MCC: variants seen among roughly 807,000 people sequenced by gnomAD.
MCC encodes the protein colorectal mutant cancer protein.
A neutral mutation model predicts 116.2 loss-of-function variants in MCC; 90 were observed. That is an observed-to-expected ratio of 0.77 (90% CI 0.65 to 0.92). The LOEUF is 0.92. MCC is among the 40% of genes least tolerant of loss of function. The pLI, the probability that MCC is intolerant of heterozygous loss-of-function variation, is 0.00. For synonymous variants in MCC, 578 were observed against 510.5 expected (o/e 1.13, Z -1.78); for missense variants, 1,516 against 1,312.2 (o/e 1.16, Z -2.40).
chr5:113,046,010 G>A (rs1580914960), intron 16 of MCC, among the ~76,000 whole-genome samples: 1 of 151,830 alleles, frequency 6.6e-6, no homozygotes, highest in South Asian at 2.1e-4. Flanking sequence ...GCCTCATCCA[G>A]CAACAGCTAA....
At chr5:113,296,131 C>T (rs11741333) in intron 3 of MCC, among the ~76,000 whole-genome samples, 52,881 of 151,942 alleles carry the variant, frequency 0.35, 11,026 homozygotes, top group African/African-American at 0.57. Context: ...GGTCCCAAGT[C>T]CTTGGGCACT....
At chr5:113,322,648 A>C (rs1767447076) in intron 3 of MCC, among the ~76,000 whole-genome samples, 1 of 152,226 alleles carries the variant, frequency 6.6e-6, no homozygotes, top group African/African-American at 2.4e-5. Flanking sequence ...CCTGTTTTAA[A>C]GAATCAGCTA....
intron 2 of MCC, among the ~76,000 whole-genome samples, chr5:113,353,646 C>G (rs1269653203): frequency 6.6e-6 from 1 of 152,120 alleles, no homozygotes; most frequent in Non-Finnish European, 1.5e-5. Flanking sequence ...TCAATCTGGT[C>G]TAGAGGGTCA....
intron 3 of MCC, among the ~76,000 whole-genome samples, chr5:113,187,337 G>C (rs1761942424): frequency 1.3e-5 from 2 of 152,028 alleles, no homozygotes; most frequent in South Asian, 4.2e-4. Flanking sequence ...TTGAATTCTT[G>C]GCCTCAAGCA....
chr5:113,246,774 C>T (rs1764592771), intron 3 of MCC, among the ~76,000 whole-genome samples: 1 of 152,204 alleles, frequency 6.6e-6, no homozygotes, highest in Non-Finnish European at 1.5e-5. Flanking sequence ...GTAAAGCACT[C>T]TACTCTCCTT....
chr5:113,255,856 G>A (rs1246468676), intron 3 of MCC, among the ~76,000 whole-genome samples: 2 of 152,180 alleles, frequency 1.3e-5, no homozygotes, highest in African/African-American at 2.4e-5. Flanking sequence ...TGCTTGGAGT[G>A]TAGGACTACG....
intron 3 of MCC, among the ~76,000 whole-genome samples, chr5:113,245,202 G>A (rs1259004386): frequency 1.3e-5 from 2 of 150,118 alleles, no homozygotes; most frequent in Non-Finnish European, 2.9e-5. Flanking sequence ...CGAGGCAGGA[G>A]AACGGCTTGA....
At chr5:113,321,496 T>C (rs979215937) in intron 3 of MCC, among the ~76,000 whole-genome samples, 1 of 152,188 alleles carries the variant, frequency 6.6e-6, no homozygotes, top group African/African-American at 2.4e-5. Context: ...ACCAGGCAAG[T>C]GCGGAGCCCA....
chr5:113,158,662 T>C (rs1322012027), intron 3 of MCC, among the ~76,000 whole-genome samples: 1 of 152,218 alleles, frequency 6.6e-6, no homozygotes, highest in African/African-American at 2.4e-5. Flanking sequence ...TGTTATTACC[T>C]CCTTCTGGCA....
chr5:113,331,930 T>C lies in MCC; in HGVS notation c.627+8589A>G, dbSNP rs571581349. ...GGGATTACAGGTGTGAGCCACTGCC[T>C]CTGACTATGATCTGGTATTTCCAAG... On this transcript the variant is annotated intron_variant, in intron 3 of 18. Transcript: ENST00000408903. 2.5e-3 allele frequency among the ~76,000 whole-genome samples: 380 copies of C among 151,678 alleles called. 5 individuals carry two copies. Among genetic ancestry groups the C allele is most frequent in the African/African-American group, 8.8e-3 (360 of 41,038 alleles).
At chr5:113,426,053 A>G (rs1561564562) in intron 1 of MCC, among the ~76,000 whole-genome samples, 1 of 152,066 alleles carries the variant, frequency 6.6e-6, no homozygotes, top group African/African-American at 2.4e-5. Flanking sequence ...CAGGTCCTCA[A>G]GGGACTGAGG....
chr5:113,428,379 C>T (rs1770537580), intron 1 of MCC, among the ~76,000 whole-genome samples: 1 of 152,158 alleles, frequency 6.6e-6, no homozygotes, highest in African/African-American at 2.4e-5. Flanking sequence ...TCTCAGCTGC[C>T]AGCAGGGTTG....
intron 13 of MCC, among the ~76,000 whole-genome samples, chr5:113,067,730 G>T (rs891521278): frequency 6.6e-6 from 1 of 152,254 alleles, no homozygotes; most frequent in Non-Finnish European, 1.5e-5. Flanking sequence ...GCCATGTGGC[G>T]GCAGCATGTG....
At chr5:113,409,421 G>A (rs6594716) in intron 1 of MCC, among the ~76,000 whole-genome samples, 26,018 of 151,758 alleles carry the variant, frequency 0.17, 2,446 homozygotes, top group Non-Finnish European at 0.22. Context: ...GTGTGATCAC[G>A]GCTCACTGCA....
intron 1 of MCC, among the ~76,000 whole-genome samples, chr5:113,408,855 C>T (rs1245494842): frequency 1.3e-5 from 2 of 152,178 alleles, no homozygotes; most frequent in Non-Finnish European, 2.9e-5. Context: ...ATGTACCAGG[C>T]TTCAGGGCAG....
intron 3 of MCC, among the ~76,000 whole-genome samples, chr5:113,180,028 TCACCCCAGA>T (rs1479668642): frequency 6.6e-6 from 1 of 152,162 alleles, no homozygotes; most frequent in Non-Finnish European, 1.5e-5. Flanking sequence ...ATTTCTATTC[TCACCCCAGA>T]AGTACAAAGA....
chr5:113,058,940 T>A (rs1753020615), intron 14 of MCC, among the ~76,000 whole-genome samples: 1 of 152,122 alleles, frequency 6.6e-6, no homozygotes, highest in South Asian at 2.1e-4. Context: ...CAGCAGGTCA[T>A]CCAGAATCCC....
At chr5:113,257,322 C>T (rs1243989126) in intron 3 of MCC, among the ~76,000 whole-genome samples, 1 of 151,854 alleles carries the variant, frequency 6.6e-6, no homozygotes, top group East Asian at 1.9e-4. Context: ...CTAGAGAGTA[C>T]AAGGAAATCA....
chr5:113,136,576 A>G (rs1758840386), intron 5 of MCC, among the ~76,000 whole-genome samples: 1 of 152,198 alleles, frequency 6.6e-6, no homozygotes, highest in South Asian at 2.1e-4. Flanking sequence ...ATCAAAATTT[A>G]AACCTTTTTA....
Sources: gnomAD v4.1 joint callset for allele counts (sites outside exome capture counted in the v4.1 genomes callset) on GRCh38, gnomAD v4.1.1 for gene constraint, MANE v1.5 for transcripts, NCBI Gene and HGNC (gene_info 2026-07-23, HGNC 2026-07-21) for gene names.